Variants in GPRIN3 observed in about 807,000 individuals in gnomAD.
The protein encoded by GPRIN3 is G protein-regulated inducer of neurite outgrowth 3.
A neutral mutation model predicts 13.7 loss-of-function variants in GPRIN3; 12 were observed. The ratio of observed to expected loss-of-function variants is 0.87; its 90% CI spans 0.56 to 1.42. The LOEUF (loss-of-function observed/expected upper bound fraction) is 1.42. Among genes scored for constraint, GPRIN3 ranks in the 40% most tolerant of loss-of-function variants. GPRIN3 has a pLI of 0.00. For synonymous variants in GPRIN3, 377 were observed against 372.7 expected (o/e 1.01, Z -0.13); for missense variants, 1,009 against 958.7 (o/e 1.05, Z -0.69).
Position 89,250,228 on chromosome 4 carries a change from A to C in GPRIN3, c.-118T>G, listed in dbSNP as rs1578073829. 1 of 1,500,982 alleles carries C rather than the reference A, an allele frequency of 6.7e-7. No homozygotes were observed. The highest frequency in any genetic ancestry group is 8.9e-7 in the Non-Finnish European group (1 of 1,125,790). The allele number at this position is 1,500,982 out of a possible 1,614,324, so 93.0% of individuals were successfully genotyped here. On this transcript the variant is annotated 5_prime_UTR_variant, in exon 2 of 2. Coordinates refer to ENST00000609438, the MANE Select transcript of GPRIN3 (RefSeq NM_198281.3). The stretch of plus-strand genomic sequence containing the variant: ...CAGTCAGGGATGATTCCTCTGAAGA[A>C]CCAGCCTGTGAATCAAGGAAACAGC...
intron 1 of GPRIN3, among the ~76,000 whole-genome samples, chr4:89,282,807 C>T (rs1382179955): frequency 1.3e-5 from 2 of 152,072 alleles, no homozygotes; most frequent in Admixed American, 1.3e-4. Flanking sequence ...AGAGCTATCC[C>T]CACTTTGCTG....
At chr4:89,257,244 C>G (rs1234849868) in intron 1 of GPRIN3, among the ~76,000 whole-genome samples, 1 of 152,166 alleles carries the variant, frequency 6.6e-6, no homozygotes, top group African/African-American at 2.4e-5. Context: ...AGCTGCATCC[C>G]TTCTCCCCAT....
At chr4:89,266,831 T>A (rs1723794555) in intron 1 of GPRIN3, among the ~76,000 whole-genome samples, 2 of 152,222 alleles carry the variant, frequency 1.3e-5, no homozygotes, top group Admixed American at 1.3e-4. Flanking sequence ...AAATCCTTAG[T>A]GAATGATACA....
intron 1 of GPRIN3, among the ~76,000 whole-genome samples, chr4:89,306,299 CTG>C (rs1725031557): frequency 6.6e-6 from 1 of 152,200 alleles, no homozygotes; most frequent in Non-Finnish European, 1.5e-5. Flanking sequence ...TAGGTTATAA[CTG>C]GAAAATAAGC....
chr4:89,278,211 A>G (rs1724148041), intron 1 of GPRIN3, among the ~76,000 whole-genome samples: 1 of 152,148 alleles, frequency 6.6e-6, no homozygotes, highest in African/African-American at 2.4e-5. Context: ...GAACTTAAAG[A>G]AAGGATCGAT....
Position 89,248,468 on chromosome 4 carries a change from T to G in GPRIN3, c.1643A>C (p.Glu548Ala). Residue 548 changes from glutamate (E) to alanine (A), a missense_variant, in exon 2 of 2, where the codon GAA becomes GCA. Coordinates refer to ENST00000609438, the MANE Select transcript of GPRIN3 (RefSeq NM_198281.3). ...GGTATCAGTGCCAGTAGACTCTTTT[T>G]CTTTTACTACCTGAGGAGATGCAGG... ...KKPASPQVVK[E>A]KESTGTDTSD... 1.2e-6 allele frequency: 2 copies of G among 1,612,978 alleles called. No individual in the cohort carries two copies. Among genetic ancestry groups the G allele is most frequent in the Non-Finnish European group, 1.7e-6 (2 of 1,179,582 alleles).
Position 89,248,244 on chromosome 4 carries a change from T to C in GPRIN3, c.1867A>G (p.Thr623Ala). Reference sequence around the variant, plus strand: ...CTGGCTTTGACGGAGCGAGATGGGGTCTTCTTGCCAGAACCTGGGCTGGAG... The same window carrying C: ...CTGGCTTTGACGGAGCGAGATGGGGCCTTCTTGCCAGAACCTGGGCTGGAG... ...GDSSPGSGKK[T>A]PSRSVKASPR... Residue 623 changes from threonine to alanine, a missense_variant, in exon 2 of 2, where the codon ACC (threonine) becomes GCC (alanine). Transcript: ENST00000609438. The C allele has an allele frequency of 6.2e-7, 1 of 1,614,052 alleles. No homozygotes were observed. The highest frequency in any genetic ancestry group is 8.5e-7 in the Non-Finnish European group (1 of 1,180,008).
rs1723116549 is a variant in GPRIN3 at position 89,246,905 on chromosome 4, C to T, written c.*875G>A. 1 of 152,192 alleles carries T rather than the reference C, an allele frequency of 6.6e-6. No homozygotes were observed. The highest frequency in any genetic ancestry group is 1.5e-5 in the Non-Finnish European group (1 of 68,040). 9.4% of individuals were successfully genotyped at this position (152,192 alleles called of 1,614,324 possible). On this transcript the variant is annotated 3_prime_UTR_variant, in exon 2 of 2. Transcript: ENST00000609438. ...TTCTCAGTAGAATATCACTGGAGAA[C>T]ACCTGCACAGTATCAATTTAGTATT...
intron 1 of GPRIN3, among the ~76,000 whole-genome samples, chr4:89,279,246 TG>T (rs1372919152): frequency 1.3e-5 from 2 of 152,232 alleles, no homozygotes; most frequent in African/African-American, 2.4e-5. Flanking sequence ...TGTGAGAAAT[TG>T]CTCAACTGCC....
chr4:89,295,335 AGAT>A (rs1724702339), intron 1 of GPRIN3, among the ~76,000 whole-genome samples: 1 of 152,214 alleles, frequency 6.6e-6, no homozygotes, highest in Admixed American at 6.5e-5. Context: ...TACAAAGACA[AGAT>A]GATGGCAGAA....
chr4:89,273,826 A>G (rs1024590606), intron 1 of GPRIN3, among the ~76,000 whole-genome samples: 8 of 152,246 alleles, frequency 5.3e-5, no homozygotes, highest in African/African-American at 1.9e-4. Context: ...TACAACACCC[A>G]TGACTAATAT....
At position 89,279,181 on chromosome 4, in the gene GPRIN3, A is replaced by G. The variant is rs76932276; in HGVS notation, c.-124+28434T>C. Among the ~76,000 whole-genome samples the G allele has an allele frequency of 8.5e-5, 13 of 152,368 alleles. No homozygotes were observed. In the East Asian group the frequency reaches 1.9e-3, roughly 23 times the overall value. ...CAAAACACTGCCCATTACATGAAGCATGAAGAAAAGGAGTTTTTTATTTCA... is the reference window on the plus strand; with the variant it reads ...CAAAACACTGCCCATTACATGAAGCGTGAAGAAAAGGAGTTTTTTATTTCA... On this transcript the variant is annotated intron_variant, in intron 1 of 1. Transcript: ENST00000609438.
rs1722820493 is a variant in GPRIN3 at position 89,237,728 on chromosome 4, T to C, written c.*10052A>G. The C allele has an allele frequency of 6.6e-6, 1 of 152,180 alleles. No individual in the cohort carries two copies. The highest frequency in any genetic ancestry group is 1.5e-5 in the Non-Finnish European group (1 of 68,042). The allele number at this position is 152,180 out of a possible 1,614,324, so 9.4% of individuals were successfully genotyped here. ...TTCAGACAGGGTGGTTGACCAAAAG[T>C]GATCTTATATTGTTTACAAAAGGCA... On this transcript the variant is annotated 3_prime_UTR_variant, in exon 2 of 2. Coordinates refer to ENST00000609438, the MANE Select transcript of GPRIN3 (RefSeq NM_198281.3).
intron 1 of GPRIN3, among the ~76,000 whole-genome samples, chr4:89,281,186 T>C (rs1724240575): frequency 6.6e-6 from 1 of 151,794 alleles, no homozygotes; most frequent in Non-Finnish European, 1.5e-5. Flanking sequence ...TGCAATAGCG[T>C]GAACTCAGCT....
chr4:89,292,219 A>G (rs1487344234), intron 1 of GPRIN3, among the ~76,000 whole-genome samples: 1 of 152,208 alleles, frequency 6.6e-6, no homozygotes, highest in African/African-American at 2.4e-5. Flanking sequence ...TGGAACACCA[A>G]AAGAATTTTA....
At chr4:89,302,327 T>C (rs1406102199) in intron 1 of GPRIN3, among the ~76,000 whole-genome samples, 1 of 152,176 alleles carries the variant, frequency 6.6e-6, no homozygotes, top group Non-Finnish European at 1.5e-5. Context: ...TTCAGCTCTA[T>C]TAGTGACTAG....
At chr4:89,254,604 C>T (rs970516067) in intron 1 of GPRIN3, among the ~76,000 whole-genome samples, 2 of 152,180 alleles carry the variant, frequency 1.3e-5, no homozygotes, top group Non-Finnish European at 2.9e-5. Flanking sequence ...ATGCGTATCA[C>T]ATTTTCTTTA....
intron 1 of GPRIN3, among the ~76,000 whole-genome samples, chr4:89,251,552 A>G (rs1253166875): frequency 1.3e-5 from 2 of 152,228 alleles, no homozygotes; most frequent in Non-Finnish European, 1.5e-5. Flanking sequence ...GGTCTTTATA[A>G]ATAGGCAGAA....
At chr4:89,266,304 T>C (rs1457981952) in intron 1 of GPRIN3, among the ~76,000 whole-genome samples, 1 of 152,168 alleles carries the variant, frequency 6.6e-6, no homozygotes, top group Admixed American at 6.5e-5. Flanking sequence ...TGGGACTTCC[T>C]GAGGATGCCA....
Sources: allele counts gnomAD v4.1 joint callset (sites outside exome capture counted in the v4.1 genomes callset), GRCh38; gene constraint gnomAD v4.1.1; transcripts MANE v1.5; gene names NCBI Gene and HGNC (gene_info 2026-07-23, HGNC 2026-07-21).